The following NLRP5 variants were observed in gnomAD, a reference collection of about 807,000 sequenced individuals.
NLRP5 encodes NACHT, LRR and PYD domains-containing protein 5.
Under a neutral mutation model 113.1 loss-of-function variants are expected in NLRP5, and 93 were observed. That is an observed-to-expected ratio of 0.82 (90% CI 0.70 to 0.98). NLRP5 has a LOEUF of 0.98. Among genes scored for constraint, NLRP5 ranks in the 50% least tolerant of loss-of-function variants. NLRP5 has a pLI of 0.00. For synonymous variants in NLRP5, 751 were observed against 600.7 expected, an observed-to-expected ratio of 1.25 and a Z score of -3.66; for missense variants, 1,808 against 1,514.3, an observed-to-expected ratio of 1.19 and a Z score of -3.22.
chr19:56,036,294 C>G (rs1204684865), intron 9 of NLRP5, among the ~76,000 whole-genome samples: 4 of 151,894 alleles, frequency 2.6e-5, no homozygotes, highest in African/African-American at 9.7e-5. Flanking sequence ...GTCTCGATCT[C>G]CTGACCTCGT....
intron 6 of NLRP5, among the ~76,000 whole-genome samples, chr19:56,026,128 G>A (rs1349883899): frequency 2.6e-5 from 4 of 152,100 alleles, no homozygotes; most frequent in Non-Finnish European, 5.9e-5. Flanking sequence ...GAGTGAGCAT[G>A]TTCTCAGCAC....
intron 13 of NLRP5, among the ~76,000 whole-genome samples, chr19:56,054,572 A>G (rs1263514211): frequency 8.1e-6 from 1 of 124,208 alleles, no homozygotes; most frequent in Non-Finnish European, 1.7e-5. Context: ...AAAGTGAAAA[A>G]AAAAAAAAAA....
At chr19:56,011,751 T>C (rs1361826455) in intron 3 of NLRP5, among the ~76,000 whole-genome samples, 1 of 151,538 alleles carries the variant, frequency 6.6e-6, no homozygotes, top group African/African-American at 2.4e-5. Context: ...TGGAGTGCAA[T>C]GGCTTGATCT....
chr19:55,993,913 T>A, the NLRP5 span, among the ~76,000 whole-genome samples: 1 of 151,822 alleles, frequency 6.6e-6, no homozygotes, highest in Admixed American at 6.6e-5. Flanking sequence ...GTAGATTACA[T>A]ATCTTAGCTA....
At chr19:56,026,351 AC>A (rs1206039836) in intron 6 of NLRP5, among the ~76,000 whole-genome samples, 2 of 151,482 alleles carry the variant, frequency 1.3e-5, no homozygotes, top group African/African-American at 4.8e-5. Flanking sequence ...ACACGGTGAA[AC>A]CCCGTCTCTA....
intron 4 of NLRP5, among the ~76,000 whole-genome samples, chr19:56,018,272 CAA>C (rs999514729): frequency 2.0e-5 from 3 of 152,204 alleles, no homozygotes; most frequent in African/African-American, 7.2e-5. Flanking sequence ...ATTGACAAGA[CAA>C]AGACCACCCT....
chr19:56,021,936 C>T (rs1039297310), intron 6 of NLRP5, among the ~76,000 whole-genome samples: 2 of 152,076 alleles, frequency 1.3e-5, no homozygotes, highest in African/African-American at 4.8e-5. Flanking sequence ...GGTGGTGATG[C>T]CAGGAGTCAG....
chr19:56,049,241 G>A (rs887393631), intron 11 of NLRP5, among the ~76,000 whole-genome samples: 2 of 151,596 alleles, frequency 1.3e-5, no homozygotes, highest in Non-Finnish European at 2.9e-5. Flanking sequence ...GTGCAATGGT[G>A]CAATCTCAGC....
intron 6 of NLRP5, among the ~76,000 whole-genome samples, chr19:56,025,437 G>C (rs1415928760): frequency 1.4e-5 from 2 of 142,884 alleles, no homozygotes; most frequent in Non-Finnish European, 3.2e-5. Flanking sequence ...ATGGAGTCTC[G>C]CTCTGTCGCC....
At chr19:56,004,685 G>A (rs1013763520) in intron 2 of NLRP5, among the ~76,000 whole-genome samples, 1 of 152,030 alleles carries the variant, frequency 6.6e-6, no homozygotes, top group African/African-American at 2.4e-5. Flanking sequence ...GATTATTTTA[G>A]GGTACTTAGG....
intron 13 of NLRP5, among the ~76,000 whole-genome samples, chr19:56,056,733 C>T (rs1285775039): frequency 1.3e-5 from 2 of 152,184 alleles, no homozygotes; most frequent in East Asian, 3.8e-4. Context: ...TTTATAAATG[C>T]TTAGATATTA....
At chr19:56,028,572 A>G (rs1982973748) in intron 7 of NLRP5, 63 bp downstream of exon 7, 2 of 1,432,564 alleles carry the variant, frequency 1.4e-6, no homozygotes, top group Non-Finnish European at 1.9e-6. Context: ...TACTGCTGGG[A>G]CTTGACATGA....
rs764512964 is a variant in NLRP5 at position 56,027,223 on chromosome 19, C to T, written c.990C>T (p.Ser330=). 4 of 1,612,340 alleles carry T rather than the reference C, an allele frequency of 2.5e-6. No individual in the cohort carries two copies. The highest frequency in any genetic ancestry group is 1.7e-4 in the Middle Eastern group (1 of 6,060). ...GAGAGATGCAGCGGAAGAAGGAGAG[C>T]AGTGTCACAGAGTTCATCTCCAGGG... is the stretch of plus-strand genomic sequence containing the variant. The change falls in exon 7 of 15, where the codon AGC becomes AGT. Residue 330 remains serine, a synonymous_variant. Coordinates refer to ENST00000390649, the MANE Select transcript of NLRP5 (RefSeq NM_153447.4).
At chr19:56,031,160 T>C (rs921642919) in intron 7 of NLRP5, among the ~76,000 whole-genome samples, 3 of 152,160 alleles carry the variant, frequency 2.0e-5, no homozygotes, top group African/African-American at 7.2e-5. Flanking sequence ...CTCCAATTTT[T>C]AGGTGTACGA....
chr19:56,054,226 G>A (rs1379697231), intron 13 of NLRP5, among the ~76,000 whole-genome samples: 1 of 152,088 alleles, frequency 6.6e-6, no homozygotes, highest in Admixed American at 6.6e-5. Context: ...GCTTAAGACA[G>A]AGCTCCAATA....
intron 7 of NLRP5, among the ~76,000 whole-genome samples, chr19:56,029,040 C>A (rs1982990497): frequency 6.6e-6 from 1 of 150,412 alleles, no homozygotes; most frequent in Non-Finnish European, 1.5e-5. Context: ...GCTGGGATTA[C>A]AGGCATCAGC....
At chr19:56,033,787 A>C in intron 9 of NLRP5, 78 bp downstream of exon 9, 20 of 1,282,176 alleles carry the variant, frequency 1.6e-5, no homozygotes, top group Non-Finnish European at 2.2e-5. Flanking sequence ...AAGTGGCAAA[A>C]ATTAAAGAGC....
chr19:56,046,228 A>G (rs920524456), intron 11 of NLRP5, among the ~76,000 whole-genome samples: 1 of 152,058 alleles, frequency 6.6e-6, no homozygotes, highest in Non-Finnish European at 1.5e-5. Context: ...TTTATTTTTA[A>G]TTCAGTTTAT....
chr19:56,025,246 C>A (rs1982792494), intron 6 of NLRP5, among the ~76,000 whole-genome samples: 1 of 152,102 alleles, frequency 6.6e-6, no homozygotes, highest in Non-Finnish European at 1.5e-5. Context: ...CATCTCAAAA[C>A]CACCCCCTTC....
Sources: gnomAD v4.1 joint callset for allele counts (sites outside exome capture counted in the v4.1 genomes callset) on GRCh38, gnomAD v4.1.1 for gene constraint, MANE v1.5 for transcripts, NCBI Gene and HGNC (gene_info 2026-07-23, HGNC 2026-07-21) for gene names.